SGIP1: variants seen among roughly 807,000 people sequenced by gnomAD.
The protein encoded by SGIP1 is SH3-containing GRB2-like protein 3-interacting protein 1.
SGIP1 carries 38 observed loss-of-function variants against 107.5 expected under a neutral mutation model. That is an observed-to-expected ratio of 0.35 (90% CI 0.27 to 0.46). SGIP1 has a LOEUF of 0.46. Ranked by LOEUF, SGIP1 falls within the 20% of genes least tolerant of loss-of-function variation. The pLI, the probability that SGIP1 is intolerant of heterozygous loss-of-function variation, is 1.00. For synonymous variants in SGIP1, 365 were observed against 366.1 expected, an observed-to-expected ratio of 1.00 and a Z score of 0.03; for missense variants, 929 against 1,019.5, an observed-to-expected ratio of 0.91 and a Z score of 1.21.
chr1:66,633,013 T>TTGTA, intron 2 of SGIP1, 57 bp from the exon 3 acceptor site: 1 of 1,108,112 alleles, frequency 9.0e-7, no homozygotes, highest in Non-Finnish European at 1.4e-6. Flanking sequence ...TGTACTTTAG[T>TTGTA]CTATGTGGCA....
intron 22 of SGIP1, 65 bp from the exon 23 acceptor site, chr1:66,740,593 A>G: frequency 9.9e-7 from 1 of 1,010,978 alleles, no homozygotes; most frequent in Non-Finnish European, 1.5e-6. Context: ...CTGGAAAAAA[A>G]ACATGGCATC....
intron 18 of SGIP1, among the ~76,000 whole-genome samples, chr1:66,699,301 G>A (rs766436662): frequency 6.6e-6 from 1 of 152,072 alleles, no homozygotes; most frequent in African/African-American, 2.4e-5. Context: ...GATTGTGAGA[G>A]CAGCCGTCTG....
chr1:66,716,701 T>C (rs543798650), intron 18 of SGIP1, among the ~76,000 whole-genome samples: 1 of 152,246 alleles, frequency 6.6e-6, no homozygotes, highest in Admixed American at 6.6e-5. Flanking sequence ...GATTCTACTT[T>C]AAATAATAAA....
At chr1:66,694,133 C>A (rs1338194171) in intron 17 of SGIP1, among the ~76,000 whole-genome samples, 3 of 151,812 alleles carry the variant, frequency 2.0e-5, no homozygotes, top group African/African-American at 7.3e-5. Context: ...AATGACAGTT[C>A]CTTTAGCAAC....
intron 24 of SGIP1, among the ~76,000 whole-genome samples, chr1:66,742,208 A>T (rs547926): frequency 0.18 from 27,715 of 151,992 alleles, 3,029 homozygotes; most frequent in Non-Finnish European, 0.24. Context: ...TAGGCCACAG[A>T]TCAAAACTGG....
chr1:66,687,782 A>G (rs1381484690), intron 15 of SGIP1, among the ~76,000 whole-genome samples: 1 of 152,254 alleles, frequency 6.6e-6, no homozygotes, highest in Non-Finnish European at 1.5e-5. Context: ...AGTGGAGAAT[A>G]AAAAGTAAGA....
chr1:66,601,519 A>ATGTG (rs199507180), intron 1 of SGIP1, among the ~76,000 whole-genome samples: 2 of 151,752 alleles, frequency 1.3e-5, no homozygotes, highest in South Asian at 2.1e-4. Context: ...GAGTATGTGC[A>ATGTG]TGTGTGTGTG....
Position 66,748,536 on chromosome 1 carries a change from G to T in SGIP1, c.*5441G>T, listed in dbSNP as rs1007169095. On this transcript the variant is annotated 3_prime_UTR_variant, in exon 25 of 25. Coordinates refer to ENST00000371037, the MANE Select transcript of SGIP1 (RefSeq NM_032291.4). ...ACCTATTTGTTGGCATTGACCATGGGTATAATAATTTATTCTCTAGGTTTA... is the reference window on the plus strand; with the variant it reads ...ACCTATTTGTTGGCATTGACCATGGTTATAATAATTTATTCTCTAGGTTTA... Among the ~76,000 whole-genome samples the T allele has an allele frequency of 6.6e-6, 1 of 151,854 alleles. No homozygotes were observed. Among genetic ancestry groups the T allele is most frequent in the Non-Finnish European group, 1.5e-5 (1 of 67,828 alleles).
chr1:66,660,189 AAGAAAGAAAGAAAG>A, intron 7 of SGIP1: 1 of 201,736 alleles, frequency 5.0e-6, no homozygotes, highest in South Asian at 2.3e-4. Context: ...GAAAGAAAGA[AAGAAAGAAAGAAAG>A]AAAGAAAGAA....
At chr1:66,609,500 G>A (rs557189679) in intron 1 of SGIP1, among the ~76,000 whole-genome samples, 1 of 152,220 alleles carries the variant, frequency 6.6e-6, no homozygotes, top group Admixed American at 6.5e-5. Context: ...TAGAGTTACT[G>A]TGACAGATAA....
chr1:66,660,030 G>A (rs1375677009), intron 7 of SGIP1: 119 of 107,100 alleles, frequency 1.1e-3, no homozygotes, highest in Non-Finnish European at 1.4e-3. Flanking sequence ...AAGGAAGGAA[G>A]GAAGGAAGGA....
rs1248832582 is a variant in SGIP1, at chr1:66,695,574, T to C, written c.1630+81T>C. On this transcript the variant is annotated intron_variant, in intron 18 of 24. Transcript: ENST00000371037. ...CCCCATTTGCATTTCCAAATCCCAG[T>C]TCTCTTCAAAAGTTCTGGTCTCACT... 4.3e-6 allele frequency: 6 copies of C among 1,404,718 alleles called. No individual in the cohort carries two copies. The African/African-American group carries it at 7.1e-5, about 17-fold the overall frequency. The allele number at this position is 1,404,718 out of a possible 1,614,324, so 87.0% of individuals were successfully genotyped here.
In SGIP1 at chr1:66,741,329, C is replaced by T. The variant is rs750174265; in HGVS notation, c.2357C>T (p.Pro786Leu). 1.9e-5 allele frequency: 30 copies of T among 1,607,578 alleles called. No homozygotes were observed. Among genetic ancestry groups the T allele is most frequent in the Non-Finnish European group, 1.9e-5 (22 of 1,176,960 alleles). Reference protein sequence around the residue: ...QLSEGPSKPSPLVVQFTSEGS... With the variant: ...QLSEGPSKPSLLVVQFTSEGS... ...TCTGAAGGCCCAAGCAAACCTTCTC[C>T]ATTGGTTGTGCAGTTCACAAGTGAA... is the stretch of plus-strand genomic sequence containing the variant. Residue 786 changes from proline (P) to leucine (L), a missense_variant, in exon 24 of 25, where the codon CCA becomes CTA. Transcript: ENST00000371037.
chr1:66,745,103 G>T lies in SGIP1; in HGVS notation c.*2008G>T, dbSNP rs761223853. On this transcript the variant is annotated 3_prime_UTR_variant, in exon 25 of 25. Transcript: ENST00000371037. Reference sequence around the variant, plus strand: ...AAATATTACTGGTTCTCATGTCTTTGTATTTATATTTTATTTTGTTTTATT... The same window carrying T: ...AAATATTACTGGTTCTCATGTCTTTTTATTTATATTTTATTTTGTTTTATT... 6.6e-6 allele frequency: 1 copy of T among 151,882 alleles called. No homozygotes were observed. The highest frequency in any genetic ancestry group is 1.5e-5 in the Non-Finnish European group (1 of 67,790). The allele number at this position is 151,882 out of a possible 1,614,324, so 9.4% of individuals were successfully genotyped here. A position where few individuals can be genotyped will look rare whatever the true frequency, so the allele number is the denominator to read the frequency against.
intron 1 of SGIP1, among the ~76,000 whole-genome samples, chr1:66,570,541 G>C (rs1490234832): frequency 6.6e-6 from 1 of 151,814 alleles, no homozygotes; most frequent in Admixed American, 6.6e-5. Flanking sequence ...TTTGATCTTT[G>C]TTAATAGTGT....
At chr1:66,721,894 A>G (rs773049202) in intron 19 of SGIP1, among the ~76,000 whole-genome samples, 1 of 152,104 alleles carries the variant, frequency 6.6e-6, no homozygotes, top group Non-Finnish European at 1.5e-5. Flanking sequence ...GCACCCCTAC[A>G]AAGTCTCAAC....
In SGIP1 at chr1:66,745,848, T is replaced by A. The variant is rs202215661; in HGVS notation, c.*2753T>A. 7.9e-5 allele frequency: 12 copies of A among 152,140 alleles called. No homozygotes were observed. Among genetic ancestry groups the A allele is most frequent in the Non-Finnish European group, 1.8e-4 (12 of 67,968 alleles). The allele number at this position is 152,140 out of a possible 1,614,324, so 9.4% of individuals were successfully genotyped here. A position where few individuals can be genotyped will look rare whatever the true frequency, so the allele number is the denominator to read the frequency against. ...CATATTTTCGTGAAATTTTTAAAAA[T>A]AAATTTGTATCAAGGATTAGTCTGA... On this transcript the variant is annotated 3_prime_UTR_variant, in exon 25 of 25. Transcript: ENST00000371037.
chr1:66,710,424 C>T (rs748812855), intron 18 of SGIP1, among the ~76,000 whole-genome samples: 3 of 152,082 alleles, frequency 2.0e-5, no homozygotes, highest in Non-Finnish European at 4.4e-5. Flanking sequence ...TACTGTGTGT[C>T]AGGTACTGTA....
chr1:66,657,011 T>A (rs1409901043), intron 7 of SGIP1, among the ~76,000 whole-genome samples: 1 of 151,504 alleles, frequency 6.6e-6, no homozygotes, highest in Non-Finnish European at 1.5e-5. Context: ...TTACAAAAAA[T>A]AAAATAAAAA....
Sources: gnomAD v4.1 joint callset for allele counts (sites outside exome capture counted in the v4.1 genomes callset) on GRCh38, gnomAD v4.1.1 for gene constraint, MANE v1.5 for transcripts, NCBI Gene and HGNC (gene_info 2026-07-23, HGNC 2026-07-21) for gene names.